The following DYM variants were observed in gnomAD, a reference collection of about 807,000 sequenced individuals.
DYM encodes the protein dymeclin, also known as dyggve-Melchior-Clausen syndrome protein.
DYM carries 78 observed loss-of-function variants against 93.1 expected under a neutral mutation model. That is an observed-to-expected ratio of 0.84 (90% CI 0.70 to 1.01). DYM has a LOEUF of 1.01. Among genes scored for constraint, DYM ranks in the 50% least tolerant of loss-of-function variants. DYM has a pLI of 0.00. For synonymous variants in DYM, 321 were observed against 319.7 expected (o/e 1.00, Z -0.04); for missense variants, 789 against 845.0 (o/e 0.93, Z 0.82).
At chr18:49,357,696 C>T (rs1361626414) in intron 6 of DYM, among the ~76,000 whole-genome samples, 1 of 152,182 alleles carries the variant, frequency 6.6e-6, no homozygotes, top group African/African-American at 2.4e-5. Context: ...TTGAGTCTAC[C>T]ATGTGCCAAG....
intron 6 of DYM, among the ~76,000 whole-genome samples, chr18:49,359,248 T>C (rs1184824489): frequency 6.6e-6 from 1 of 152,208 alleles, no homozygotes; most frequent in Non-Finnish European, 1.5e-5. Context: ...GGCCGATTTA[T>C]TTAAATTCTA....
chr18:49,191,988 G>A (rs1050658206), intron 14 of DYM, among the ~76,000 whole-genome samples: 2 of 152,008 alleles, frequency 1.3e-5, no homozygotes, highest in Admixed American at 1.3e-4. Context: ...CCAGGCTGGA[G>A]TGTAATAGTG....
chr18:49,240,211 C>G (rs994081001), intron 13 of DYM, among the ~76,000 whole-genome samples: 2 of 152,126 alleles, frequency 1.3e-5, no homozygotes, highest in African/African-American at 4.8e-5. Context: ...CAGACATGCT[C>G]ACATCCACTC....
At chr18:49,443,980 C>A (rs1157974318) in intron 1 of DYM, among the ~76,000 whole-genome samples, 1 of 152,054 alleles carries the variant, frequency 6.6e-6, no homozygotes, top group Non-Finnish European at 1.5e-5. Context: ...TCCAAAAAAT[C>A]AAGGAAATAC....
At chr18:49,429,008 G>T (rs1014267570) in intron 2 of DYM, among the ~76,000 whole-genome samples, 5 of 152,180 alleles carry the variant, frequency 3.3e-5, no homozygotes, top group African/African-American at 1.2e-4. Flanking sequence ...CTAAGATCAG[G>T]ATGTCAATAA....
intron 16 of DYM, among the ~76,000 whole-genome samples, chr18:49,102,060 CTCT>C (rs1171895879): frequency 6.6e-6 from 1 of 152,152 alleles, no homozygotes; most frequent in Non-Finnish European, 1.5e-5. Flanking sequence ...TAAATCCCAC[CTCT>C]TCTTATAATA....
At chr18:49,240,466 T>C (rs970008915) in intron 13 of DYM, among the ~76,000 whole-genome samples, 14 of 152,212 alleles carry the variant, frequency 9.2e-5, no homozygotes, top group Non-Finnish European at 1.9e-4. Context: ...TTGAGAGATA[T>C]TGGTTCACTG....
chr18:49,393,862 C>G (rs1417992592), intron 2 of DYM: 2 of 152,060 alleles, frequency 1.3e-5, no homozygotes, highest in Non-Finnish European at 2.9e-5. Context: ...AGACATTATG[C>G]TAAGTGAAAT....
chr18:49,080,096 C>A (rs1272572209), intron 17 of DYM, among the ~76,000 whole-genome samples: 1 of 109,218 alleles, frequency 9.2e-6, no homozygotes, highest in Non-Finnish European at 1.8e-5. Context: ...GACGGGGCGG[C>A]TGGCCGGGCG....
chr18:49,425,350 G>A (rs1183147807), intron 2 of DYM, among the ~76,000 whole-genome samples: 1 of 152,166 alleles, frequency 6.6e-6, no homozygotes. Flanking sequence ...TATGTAGAAA[G>A]CTGAAACTGG....
At chr18:49,335,201 C>A (rs973484425) in intron 6 of DYM, among the ~76,000 whole-genome samples, 3 of 152,124 alleles carry the variant, frequency 2.0e-5, no homozygotes, top group Non-Finnish European at 2.9e-5. Flanking sequence ...AGCCTTATTA[C>A]GTGGTTGAAT....
chr18:49,084,570 T>C (rs1254302183), intron 17 of DYM, among the ~76,000 whole-genome samples: 1 of 152,232 alleles, frequency 6.6e-6, no homozygotes, highest in Admixed American at 6.5e-5. Context: ...TTTTGAATTG[T>C]CTCTACTTCT....
At chr18:49,351,185 G>T (rs563261672) in intron 6 of DYM, among the ~76,000 whole-genome samples, 1 of 152,238 alleles carries the variant, frequency 6.6e-6, no homozygotes, top group East Asian at 1.9e-4. Context: ...ACTTTGGGAG[G>T]CTGAAGAGGG....
At chr18:49,390,308 T>C (rs2147871746) in intron 3 of DYM, among the ~76,000 whole-genome samples, 1 of 152,204 alleles carries the variant, frequency 6.6e-6, no homozygotes, top group East Asian at 1.9e-4. Context: ...CATGCACCTA[T>C]AGCCCCAGCT....
At chr18:49,329,438 A>C (rs1429773024) in intron 8 of DYM, 1 of 152,264 alleles carries the variant, frequency 6.6e-6, no homozygotes, top group Non-Finnish European at 1.5e-5. Context: ...TAATTTAAAA[A>C]AAGAAGAAAG....
At chr18:49,057,751 T>C (rs543642547) in intron 17 of DYM, among the ~76,000 whole-genome samples, 1 of 152,354 alleles carries the variant, frequency 6.6e-6, no homozygotes, top group Non-Finnish European at 1.5e-5. Flanking sequence ...TGTAAACTTT[T>C]AAGACTACCA....
At chr18:49,121,843 T>A (rs2082410568) in intron 15 of DYM, among the ~76,000 whole-genome samples, 1 of 152,084 alleles carries the variant, frequency 6.6e-6, no homozygotes, top group African/African-American at 2.4e-5. Flanking sequence ...AATATGAAGG[T>A]CAAAAAAAGA....
chr18:49,181,978 C>T (rs1301504630), intron 14 of DYM, among the ~76,000 whole-genome samples: 1 of 152,142 alleles, frequency 6.6e-6, no homozygotes. Context: ...TTAGTGGCAG[C>T]CATCCCACAA....
chr18:49,258,197 A>C (rs2094425224), intron 12 of DYM, among the ~76,000 whole-genome samples, 183 bp downstream of exon 12: 1 of 152,240 alleles, frequency 6.6e-6, no homozygotes, highest in Non-Finnish European at 1.5e-5. Flanking sequence ...CCAATCATAC[A>C]AGCCATTAAA....
Sources: allele counts gnomAD v4.1 joint callset (sites outside exome capture counted in the v4.1 genomes callset), GRCh38; gene constraint gnomAD v4.1.1; transcripts MANE v1.5; gene names NCBI Gene and HGNC (gene_info 2026-07-23, HGNC 2026-07-21).